TRIO: variants seen among roughly 807,000 people sequenced by gnomAD.
TRIO encodes the protein trio Rho guanine nucleotide exchange factor, also known as triple functional domain protein.
In TRIO, 58 loss-of-function variants were observed where a neutral mutation model predicts 351.9. The observed-to-expected ratio is 0.16, with a 90% CI of 0.13 to 0.21. The LOEUF is 0.21. TRIO is among the 10% of genes least tolerant of loss of function. The probability of loss-of-function intolerance (pLI) is 1.00; values close to 1 mark genes in which losing one functional copy is unlikely to be tolerated. For missense variants in TRIO, 3,201 were observed against 4,027.8 expected, an observed-to-expected ratio of 0.79 and a Z score of 5.56; for synonymous variants, 1,758 against 1,595.7, an observed-to-expected ratio of 1.10 and a Z score of -2.42.
intron 36 of TRIO, among the ~76,000 whole-genome samples, chr5:14,464,279 G>C (rs768382584): frequency 6.6e-6 from 1 of 152,176 alleles, no homozygotes; most frequent in Non-Finnish European, 1.5e-5. Flanking sequence ...AAACATTGAG[G>C]GGCTGGGCCT....
chr5:14,306,589 A>G (rs1738395104), intron 8 of TRIO, among the ~76,000 whole-genome samples: 5 of 152,230 alleles, frequency 3.3e-5, no homozygotes, highest in African/African-American at 1.2e-4. Context: ...CTTTGAATGC[A>G]GTGGTGGGCT....
intron 37 of TRIO, among the ~76,000 whole-genome samples, chr5:14,469,222 C>T (rs746763342): frequency 1.3e-5 from 2 of 152,040 alleles, no homozygotes; most frequent in African/African-American, 2.4e-5. Flanking sequence ...AGCTGGAAAA[C>T]GGTAGCATAA....
At chr5:14,176,704 A>G (rs1256174226) in intron 1 of TRIO, among the ~76,000 whole-genome samples, 3 of 152,136 alleles carry the variant, frequency 2.0e-5, no homozygotes, top group Admixed American at 6.5e-5. Context: ...TGGCCTCCCA[A>G]AGTGCTGGGA....
In TRIO at chr5:14,507,246, C is replaced by T. The variant is rs774025851; in HGVS notation, c.8737C>T (p.His2913Tyr). ...VRYLHNCRIAHLDLKPENILV... is the reference protein window; with the variant it reads ...VRYLHNCRIAYLDLKPENILV... ...GTACCTGCACAACTGCAGGATAGCA[C>T]ACCTGGACCTAAAGGTTGGTGAGGC... The change falls in exon 56 of 57, where the codon CAC becomes TAC. Residue 2913 changes from histidine (H) to tyrosine (Y), a missense_variant. By Grantham distance (83) the His-to-Tyr change is moderately conservative. Around this residue, in one of 19 missense-constraint regions of TRIO, gnomAD observed 233 missense variants for 292.6 expected, o/e 0.80. Coordinates refer to ENST00000344204, the MANE Select transcript of TRIO (RefSeq NM_007118.4). The T allele has an allele frequency of 1.2e-6, 2 of 1,611,700 alleles. No individual in the cohort carries two copies. The highest frequency in any genetic ancestry group is 1.1e-5 in the South Asian group (1 of 90,952).
intron 1 of TRIO, among the ~76,000 whole-genome samples, chr5:14,164,389 C>G (rs1788644971): frequency 1.3e-5 from 2 of 152,190 alleles, no homozygotes; most frequent in Admixed American, 1.3e-4. Flanking sequence ...CCAGAATGGG[C>G]TAGCTCCAGC....
chr5:14,415,179 C>T (rs576382344), intron 33 of TRIO, among the ~76,000 whole-genome samples: 1 of 152,320 alleles, frequency 6.6e-6, no homozygotes, highest in East Asian at 1.9e-4. Flanking sequence ...TATTAGGCCA[C>T]ATTCTCCTTT....
chr5:14,376,359 A>C (rs758706015), intron 19 of TRIO, among the ~76,000 whole-genome samples: 1 of 152,236 alleles, frequency 6.6e-6, no homozygotes, highest in Non-Finnish European at 1.5e-5. Flanking sequence ...CAAAAAGTGT[A>C]CAAATACATA....
Position 14,472,253 on chromosome 5 carries a change from A to AT in TRIO, c.5913-333dup, listed in dbSNP as rs1443077767. Among the ~76,000 whole-genome samples, 4 of 152,360 alleles carry AT rather than the reference A, an allele frequency of 2.6e-5. No individual in the cohort carries two copies. In the East Asian group the frequency reaches 7.7e-4, roughly 29 times the overall value. ...CAGTGAAGGTTAAAATGACTTAATC[A>AT]TTTTTTAAAAGCCACTTCCTTTACT... On this transcript the variant is annotated intron_variant, in intron 38 of 56. Transcript: ENST00000344204.
intron 10 of TRIO, among the ~76,000 whole-genome samples, chr5:14,332,126 C>G (rs895546868): frequency 7.9e-5 from 12 of 152,158 alleles, no homozygotes. Flanking sequence ...AGCATCCTTC[C>G]TAAGTACCTG....
At chr5:14,258,659 G>T (rs1581466195) in intron 1 of TRIO, among the ~76,000 whole-genome samples, 1 of 152,092 alleles carries the variant, frequency 6.6e-6, no homozygotes, top group Non-Finnish European at 1.5e-5. Flanking sequence ...AGCTTCGTCT[G>T]CCTCTCACCT....
rs1581281696 is a variant in TRIO, at chr5:14,178,514, CGTAA to C, written c.157+34633_157+34636del. 3.3e-5 allele frequency among the ~76,000 whole-genome samples: 5 copies of C among 152,172 alleles called. No homozygotes were observed. In the East Asian group the frequency reaches 9.6e-4, roughly 29 times the overall value. Reference sequence around the variant, plus strand: ...TTCACATTTCTTGATAAGCTGACCGCGTAATTGTCTAAACAGAGATGGTGTTGAG... The same window carrying C: ...TTCACATTTCTTGATAAGCTGACCGCTTGTCTAAACAGAGATGGTGTTGAG... On this transcript the variant is annotated intron_variant, in intron 1 of 56. Transcript: ENST00000344204.
intron 2 of TRIO, among the ~76,000 whole-genome samples, chr5:14,273,931 C>G (rs1249777875): frequency 6.6e-6 from 1 of 152,186 alleles, no homozygotes; most frequent in Non-Finnish European, 1.5e-5. Context: ...ATTCGTTGCC[C>G]ACTTCAGCAA....
chr5:14,279,665 G>A (rs906721343), intron 2 of TRIO, among the ~76,000 whole-genome samples: 1 of 152,188 alleles, frequency 6.6e-6, no homozygotes. Context: ...GTCTGTCAAA[G>A]TCACATACTC....
At chr5:14,311,498 A>G (rs1419797163) in intron 8 of TRIO, among the ~76,000 whole-genome samples, 2 of 152,234 alleles carry the variant, frequency 1.3e-5, no homozygotes, top group Non-Finnish European at 2.9e-5. Flanking sequence ...TTCAGGAGGT[A>G]ATTGACCTGC....
chr5:14,155,313 C>G (rs1788042373), intron 1 of TRIO, among the ~76,000 whole-genome samples: 1 of 152,160 alleles, frequency 6.6e-6, no homozygotes, highest in African/African-American at 2.4e-5. Flanking sequence ...ATGATGATGT[C>G]CCTTACCTCT....
chr5:14,328,515 C>T (rs762045115), intron 9 of TRIO, among the ~76,000 whole-genome samples: 2 of 152,218 alleles, frequency 1.3e-5, no homozygotes, highest in Non-Finnish European at 2.9e-5. Flanking sequence ...GCGCTCAATA[C>T]GCCAGTTAAA....
In TRIO at chr5:14,358,175, C is replaced by T. The variant is rs1743811029; in HGVS notation, c.2047-3C>T. ...GGCCTCACCCCCCTCTCCCCTTCCCCAGCTGTGGACGTGGCTGGAGGAGCT... is the reference window on the plus strand; with the variant it reads ...GGCCTCACCCCCCTCTCCCCTTCCCTAGCTGTGGACGTGGCTGGAGGAGCT... On this transcript the variant is annotated splice_region_variant and splice_polypyrimidine_tract_variant and intron_variant, in intron 11 of 56. Transcript: ENST00000344204. 8 of 1,611,190 alleles carry T rather than the reference C, an allele frequency of 5.0e-6. No homozygotes were observed. Among genetic ancestry groups the T allele is most frequent in the Non-Finnish European group, 5.1e-6 (6 of 1,177,968 alleles).
At position 14,508,240 on chromosome 5, in the gene TRIO, C is replaced by T. The variant is rs1321773037; in HGVS notation, c.9112C>T (p.Arg3038Cys). 2.2e-5 allele frequency: 35 copies of T among 1,613,948 alleles called. No individual in the cohort carries two copies. Among genetic ancestry groups the T allele is most frequent in the Non-Finnish European group, 3.0e-5 (35 of 1,180,048 alleles). The change falls in exon 57 of 57, where the codon CGT becomes TGT. Residue 3038 changes from arginine (R) to cysteine (C), a missense_variant. Transcript: ENST00000344204. ...CFLLQEDPAK[R>C]PSAALALQEQ... Reference sequence around the variant, plus strand: ...CCTCCTGCAGGAGGACCCCGCCAAGCGTCCCTCGGCTGCGCTGGCCCTCCA... The same window carrying T: ...CCTCCTGCAGGAGGACCCCGCCAAGTGTCCCTCGGCTGCGCTGGCCCTCCA...
At chr5:14,330,645 CA>C in intron 9 of TRIO, 132 bp from the exon 10 acceptor site, 1 of 1,123,178 alleles carries the variant, frequency 8.9e-7, no homozygotes, top group Non-Finnish European at 1.2e-6. Context: ...TACTTCTTCC[CA>C]TTTTTTTTTC....
Sources: allele counts gnomAD v4.1 joint callset (sites outside exome capture counted in the v4.1 genomes callset), GRCh38; gene constraint gnomAD v4.1.1; regional missense constraint gnomAD v4.1.1; transcripts MANE v1.5; gene names NCBI Gene and HGNC (gene_info 2026-07-23, HGNC 2026-07-21).